The following SCAF8 variants were observed in gnomAD, a reference collection of about 807,000 sequenced individuals.
SCAF8 encodes SR-related and CTD-associated factor 8.
SCAF8 carries 23 observed loss-of-function variants against 140.5 expected under a neutral mutation model. The observed-to-expected ratio is 0.16, with a 90% CI of 0.12 to 0.23. The LOEUF is 0.23. Ranked by LOEUF, SCAF8 falls within the 10% of genes least tolerant of loss-of-function variation. The pLI, the probability that SCAF8 is intolerant of heterozygous loss-of-function variation, is 1.00. For synonymous variants in SCAF8, 575 were observed against 528.9 expected (o/e 1.09, Z -1.20); for missense variants, 1,397 against 1,555.7 (o/e 0.90, Z 1.72).
At chr6:154,741,869 A>T in intron 1 of SCAF8, 1 of 831,598 alleles carries the variant, frequency 1.2e-6, no homozygotes, top group South Asian at 1.5e-5. Flanking sequence ...CTTGACCTTG[A>T]ACACTGGCTG....
chr6:154,747,001 C>T (rs1283568354), intron 1 of SCAF8, among the ~76,000 whole-genome samples: 1 of 152,120 alleles, frequency 6.6e-6, no homozygotes, highest in Admixed American at 6.6e-5. Flanking sequence ...AGATAACATT[C>T]TAAAATTCAG....
At chr6:154,756,629 T>C (rs921255356) in intron 1 of SCAF8, among the ~76,000 whole-genome samples, 2 of 152,216 alleles carry the variant, frequency 1.3e-5, no homozygotes, top group African/African-American at 4.8e-5. Context: ...TAGAACATGA[T>C]GATTAACTCT....
In SCAF8 at chr6:154,803,548, T is replaced by G; in HGVS notation, c.788T>G (p.Leu263Trp). The G allele has an allele frequency of 6.2e-7, 1 of 1,610,866 alleles. No individual in the cohort carries two copies. Residue 263 changes from leucine (L) to tryptophan (W), a missense_variant, in exon 8 of 20, where the codon TTG becomes TGG. This residue lies in a region of SCAF8 where 339 missense variants were observed against 407.5 expected (regional missense o/e 0.83). Coordinates refer to ENST00000367178, the MANE Select transcript of SCAF8 (RefSeq NM_014892.5). ...LEQGVSFNKKLMDRFDFGEDS... is the reference protein window; with the variant it reads ...LEQGVSFNKKWMDRFDFGEDS... ...GTTTCTCCTTCTTTCCCCCAGAAGTTGATGGATAGGTTTGATTTTGGGGAA... is the reference window on the plus strand; with the variant it reads ...GTTTCTCCTTCTTTCCCCCAGAAGTGGATGGATAGGTTTGATTTTGGGGAA...
intron 6 of SCAF8, among the ~76,000 whole-genome samples, chr6:154,797,920 ACTT>A (rs1191850272): frequency 1.3e-5 from 2 of 151,314 alleles, no homozygotes; most frequent in African/African-American, 4.8e-5. Context: ...TTTATCATCT[ACTT>A]CTCCAATTTT....
At chr6:154,826,395 A>T (rs1329753389) in intron 17 of SCAF8, among the ~76,000 whole-genome samples, 4 of 152,198 alleles carry the variant, frequency 2.6e-5, no homozygotes, top group Admixed American at 1.3e-4. Flanking sequence ...TTAAAAATAA[A>T]ATTAAATATG....
chr6:154,808,062 C>G lies in SCAF8; in HGVS notation c.982-8C>G. On this transcript the variant is annotated splice_polypyrimidine_tract_variant and splice_region_variant and intron_variant, in intron 9 of 19. Transcript: ENST00000367178. ...CAATCTTTGTGTGTTTGTATATGTT[C>G]TCAATAGGCCACTCCTCAGGATAGT... The G allele has an allele frequency of 6.2e-7, 1 of 1,606,762 alleles. No homozygotes were observed. Among genetic ancestry groups the G allele is most frequent in the Non-Finnish European group, 8.5e-7 (1 of 1,177,618 alleles).
At chr6:154,793,905 G>GTGTGTGTA (rs1777503749) in intron 5 of SCAF8, among the ~76,000 whole-genome samples, 1 of 149,448 alleles carries the variant, frequency 6.7e-6, no homozygotes, top group Middle Eastern at 3.4e-3. Context: ...TGTATTTTGT[G>GTGTGTGTA]TGTGTGTGTG....
intron 2 of SCAF8, among the ~76,000 whole-genome samples, chr6:154,776,489 T>G (rs746787877): frequency 3.3e-5 from 5 of 152,132 alleles, no homozygotes; most frequent in Non-Finnish European, 5.9e-5. Context: ...TAATAAACTT[T>G]CAGTTAAGAT....
Position 154,832,491 on chromosome 6 carries a change from C to T in SCAF8, c.2912C>T (p.Pro971Leu), listed in dbSNP as rs934954275. 5.6e-6 allele frequency: 9 copies of T among 1,613,798 alleles called. No individual in the cohort carries two copies. The highest frequency in any genetic ancestry group is 7.6e-6 in the Non-Finnish European group (9 of 1,179,956). ...CATCCACCACCCCGTGGACCTTTTC[C>T]TCCAGGAGATATTTTTAGTCAACCA... ...ALHPPPRGPF[P>L]PGDIFSQPER... The change falls in exon 20 of 20, where the codon CCT becomes CTT. Residue 971 changes from proline (P) to leucine (L), a missense_variant. Physicochemically the swap from Pro to Leu is moderately conservative, Grantham distance 98. Transcript: ENST00000367178.
chr6:154,746,583 A>G (rs970171784), intron 1 of SCAF8, among the ~76,000 whole-genome samples: 2 of 152,190 alleles, frequency 1.3e-5, no homozygotes, highest in Non-Finnish European at 2.9e-5. Context: ...TATCTACAAT[A>G]TATTTACTTA....
chr6:154,824,882 T>G (rs1178095777), intron 17 of SCAF8: 1 of 151,770 alleles, frequency 6.6e-6, no homozygotes, highest in African/African-American at 2.4e-5. Context: ...AGGCAGAGGT[T>G]GCAGTGAGCC....
rs1407776085 is a variant in SCAF8 at position 154,818,678 on chromosome 6, GTCACAAGCTCTTCTT to G, written c.1635+88_1635+102del. On this transcript the variant is annotated intron_variant, in intron 14 of 19. Transcript: ENST00000367178. ...TAAAGTCTGAGTTTTTCACAAGAGG[GTCACAAGCTCTTCTT>G]TTATTGGATTATTAGAATGTCTCTG... The G allele has an allele frequency of 3.5e-5, 20 of 564,180 alleles. No homozygotes were observed. The East Asian group carries it at 5.4e-4, about 15-fold the overall frequency. 34.9% of individuals were successfully genotyped at this position (564,180 alleles called of 1,614,324 possible).
intron 17 of SCAF8, among the ~76,000 whole-genome samples, chr6:154,826,453 G>A (rs1583070836): frequency 1.3e-5 from 2 of 152,268 alleles, no homozygotes; most frequent in East Asian, 3.9e-4. Flanking sequence ...AGGATTGTGA[G>A]AGGAGGAACA....
intron 6 of SCAF8, among the ~76,000 whole-genome samples, chr6:154,797,060 C>A (rs1777628768): frequency 6.6e-6 from 1 of 151,220 alleles, no homozygotes; most frequent in Non-Finnish European, 1.5e-5. Flanking sequence ...TTTTTCAATT[C>A]TTTTTTGGTT....
chr6:154,770,348 C>T (rs1190525721), intron 1 of SCAF8, among the ~76,000 whole-genome samples: 1 of 150,936 alleles, frequency 6.6e-6, no homozygotes, highest in Non-Finnish European at 1.5e-5. Flanking sequence ...CCTGTAGTGC[C>T]AGCTACTTGA....
At chr6:154,811,990 A>G (rs1471021985) in intron 12 of SCAF8, among the ~76,000 whole-genome samples, 1 of 152,148 alleles carries the variant, frequency 6.6e-6, no homozygotes, top group Admixed American at 6.5e-5. Context: ...GTAGTGCCGC[A>G]GTAAATACGT....
chr6:154,812,622 GGTA>G (rs1778129832), intron 12 of SCAF8, among the ~76,000 whole-genome samples: 2 of 152,056 alleles, frequency 1.3e-5, no homozygotes, highest in Admixed American at 1.3e-4. Flanking sequence ...TTAAACATAT[GGTA>G]GTGTTTTCAT....
chr6:154,789,269 C>T (rs575292898), intron 4 of SCAF8, among the ~76,000 whole-genome samples: 3 of 151,676 alleles, frequency 2.0e-5, no homozygotes, highest in Admixed American at 1.3e-4. Context: ...CCACCACACT[C>T]GGCTAATTTT....
At chr6:154,795,976 A>G (rs1179389991) in intron 6 of SCAF8, among the ~76,000 whole-genome samples, 2 of 152,122 alleles carry the variant, frequency 1.3e-5, no homozygotes, top group Non-Finnish European at 2.9e-5. Context: ...AGTCAATACC[A>G]GTTTCTCTTA....
Sources: gnomAD v4.1 joint callset for allele counts (sites outside exome capture counted in the v4.1 genomes callset) on GRCh38, gnomAD v4.1.1 for gene constraint, gnomAD v4.1.1 regional missense constraint, MANE v1.5 for transcripts, NCBI Gene and HGNC (gene_info 2026-07-23, HGNC 2026-07-21) for gene names.